CACNB2: variants seen among roughly 807,000 people sequenced by gnomAD.
CACNB2 encodes voltage-dependent L-type calcium channel subunit beta-2.
In CACNB2, 42 loss-of-function variants were observed where a neutral mutation model predicts 73.3. The observed-to-expected ratio is 0.57, with a 90% CI of 0.45 to 0.74. CACNB2 has a LOEUF of 0.74. Among genes scored for constraint, CACNB2 ranks in the 30% least tolerant of loss-of-function variants. The pLI, the probability that CACNB2 is intolerant of heterozygous loss-of-function variation, is 0.00. For synonymous variants in CACNB2, 348 were observed against 310.3 expected (o/e 1.12, Z -1.28); for missense variants, 940 against 853.0 (o/e 1.10, Z -1.27).
intron 3 of CACNB2, among the ~76,000 whole-genome samples, chr10:18,479,302 G>A (rs1250303952): frequency 6.6e-6 from 1 of 151,974 alleles, no homozygotes; most frequent in Non-Finnish European, 1.5e-5. Context: ...CAAGATAAAT[G>A]CAAAGAGCCA....
chr10:18,238,764 A>G (rs912009619), intron 2 of CACNB2, among the ~76,000 whole-genome samples: 1 of 152,224 alleles, frequency 6.6e-6, no homozygotes, highest in African/African-American at 2.4e-5. Context: ...TACAGTTTTA[A>G]AAAACAATGT....
intron 3 of CACNB2, among the ~76,000 whole-genome samples, chr10:18,445,948 C>G (rs1000651271): frequency 6.6e-6 from 1 of 152,142 alleles, no homozygotes; most frequent in African/African-American, 2.4e-5. Context: ...GCAGGAGAAT[C>G]GCTTGAACCC....
chr10:18,381,662 T>C (rs1395346748), intron 2 of CACNB2, among the ~76,000 whole-genome samples: 1 of 140,458 alleles, frequency 7.1e-6, no homozygotes, highest in Non-Finnish European at 1.5e-5. Flanking sequence ...CTCTCCAGCC[T>C]GGGCAACATG....
At chr10:18,206,285 G>A (rs138751487) in intron 2 of CACNB2, 2,886 of 152,410 alleles carry the variant, frequency 0.019, 49 homozygotes, top group Middle Eastern at 0.064. Context: ...GAGCCACTGC[G>A]CATGGCCATC....
At chr10:18,188,798 G>T (rs1409718364) in intron 2 of CACNB2, among the ~76,000 whole-genome samples, 1 of 151,950 alleles carries the variant, frequency 6.6e-6, no homozygotes, top group South Asian at 2.1e-4. Context: ...TGTCTACTTA[G>T]TATAGAAAAA....
At chr10:18,389,963 A>G (rs180735312) in intron 2 of CACNB2, among the ~76,000 whole-genome samples, 1 of 152,300 alleles carries the variant, frequency 6.6e-6, no homozygotes, top group African/African-American at 2.4e-5. Flanking sequence ...TTACTTATCA[A>G]TTAGTGTGCC....
chr10:18,415,314 A>G (rs1712434600), intron 3 of CACNB2, among the ~76,000 whole-genome samples: 1 of 152,106 alleles, frequency 6.6e-6, no homozygotes, highest in Admixed American at 6.5e-5. Context: ...AAAATAAGCA[A>G]AAATAGTTAG....
intron 2 of CACNB2, among the ~76,000 whole-genome samples, chr10:18,234,820 C>T (rs12243591): frequency 0.047 from 7,205 of 152,114 alleles, 600 homozygotes; most frequent in African/African-American, 0.16. Context: ...GATGTGAATG[C>T]ACTTAATGCC....
chr10:18,360,602 C>T (rs768086562), intron 2 of CACNB2, among the ~76,000 whole-genome samples: 1 of 152,118 alleles, frequency 6.6e-6, no homozygotes, highest in Non-Finnish European at 1.5e-5. Context: ...GTGAGGCAGA[C>T]CTATTGTTTT....
chr10:18,499,546 C>A (rs188208408), intron 4 of CACNB2, among the ~76,000 whole-genome samples: 2 of 142,726 alleles, frequency 1.4e-5, no homozygotes, highest in African/African-American at 5.3e-5. Context: ...ACCAGCGAGT[C>A]GGAGGTTGCA....
At chr10:18,412,199 A>G (rs1229453592) in intron 3 of CACNB2, among the ~76,000 whole-genome samples, 1 of 152,172 alleles carries the variant, frequency 6.6e-6, no homozygotes, top group African/African-American at 2.4e-5. Flanking sequence ...TACTTATGTC[A>G]TGTTTGCTAA....
intron 2 of CACNB2, among the ~76,000 whole-genome samples, chr10:18,384,865 G>A (rs1014927796): frequency 5.9e-5 from 9 of 151,652 alleles, no homozygotes; most frequent in African/African-American, 2.2e-4. Context: ...CCCATCTCTG[G>A]CTGCTGGTTC....
chr10:18,231,759 C>G (rs12266897), intron 2 of CACNB2, among the ~76,000 whole-genome samples: 2 of 152,170 alleles, frequency 1.3e-5, no homozygotes, highest in Non-Finnish European at 1.5e-5. Context: ...TTCTTGTTTG[C>G]TCCCTGAGTC....
intron 2 of CACNB2, among the ~76,000 whole-genome samples, chr10:18,322,738 T>C (rs2040439117): frequency 6.6e-6 from 1 of 152,164 alleles, no homozygotes; most frequent in African/African-American, 2.4e-5. Flanking sequence ...TTAAAGTATC[T>C]TATTTTTGCG....
chr10:18,200,135 C>T (rs897686181), intron 2 of CACNB2, among the ~76,000 whole-genome samples: 1 of 152,044 alleles, frequency 6.6e-6, no homozygotes, highest in Non-Finnish European at 1.5e-5. Context: ...CTAAAAATTA[C>T]TAAAAAGTTC....
intron 2 of CACNB2, chr10:18,400,724 T>C: frequency 7.8e-7 from 1 of 1,274,238 alleles, no homozygotes. Flanking sequence ...TTTAGGGTTA[T>C]GAGATGCATT....
At chr10:18,453,986 G>A (rs1483406641) in intron 3 of CACNB2, among the ~76,000 whole-genome samples, 8 of 152,264 alleles carry the variant, frequency 5.3e-5, no homozygotes, top group South Asian at 2.1e-4. Flanking sequence ...GGAGGCCTGC[G>A]TTTGTGTTTC....
At chr10:18,231,879 C>G (rs2036238070) in intron 2 of CACNB2, among the ~76,000 whole-genome samples, 1 of 152,180 alleles carries the variant, frequency 6.6e-6, no homozygotes, top group South Asian at 2.1e-4. Flanking sequence ...TTGTAAGCAA[C>G]AAGAAGTATT....
rs548865653 is a variant in CACNB2 at position 18,328,712 on chromosome 10, T to C, written c.214-73212T>C. Among the ~76,000 whole-genome samples the C allele has an allele frequency of 2.0e-5, 3 of 152,312 alleles. No homozygotes were observed. The South Asian group carries it at 6.2e-4, about 32-fold the overall frequency. On this transcript the variant is annotated intron_variant, in intron 2 of 13. Coordinates refer to ENST00000324631, the MANE Select transcript of CACNB2 (RefSeq NM_201596.3). ...AGAGACTTGTACATTGAAGTCGATG[T>C]AGATTTGGGACTCAATTCAATGAAC... is the stretch of plus-strand genomic sequence containing the variant.
Sources: allele counts gnomAD v4.1 joint callset (sites outside exome capture counted in the v4.1 genomes callset), GRCh38; gene constraint gnomAD v4.1.1; transcripts MANE v1.5; gene names NCBI Gene and HGNC (gene_info 2026-07-23, HGNC 2026-07-21).